COL12A1: variants seen among roughly 807,000 people sequenced by gnomAD.
COL12A1 encodes the protein collagen alpha-1(XII) chain.
A neutral mutation model predicts 349.7 loss-of-function variants in COL12A1; 114 were observed. That is an observed-to-expected ratio of 0.33 (90% CI 0.28 to 0.38). COL12A1 has a LOEUF of 0.38. Ranked by LOEUF, COL12A1 falls within the 10% of genes least tolerant of loss-of-function variation. The pLI is 1.00. For missense variants in COL12A1, 3,284 were observed against 3,756.9 expected (o/e 0.87, Z 3.29); for synonymous variants, 1,369 against 1,329.0 (o/e 1.03, Z -0.66).
chr6:75,122,421 T>C (rs541482882), intron 43 of COL12A1, among the ~76,000 whole-genome samples: 2 of 152,248 alleles, frequency 1.3e-5, no homozygotes, highest in African/African-American at 4.8e-5. Flanking sequence ...GCTGGGCATG[T>C]GTGGGGAAGG....
In COL12A1 at chr6:75,185,407, A is replaced by G. The variant is rs139453244; in HGVS notation, c.998-1263T>C. 9.0e-3 allele frequency among the ~76,000 whole-genome samples: 1,378 copies of G among 152,336 alleles called. 18 individuals carry two copies. Among genetic ancestry groups the G allele is most frequent in the African/African-American group, 0.032 (1,310 of 41,566 alleles). ...ATAATAGAATAAAATACCTAGGAAT[A>G]CAGCTAACTAGTTAGGTGAAAGATC... On this transcript the variant is annotated intron_variant, in intron 8 of 65. Coordinates refer to ENST00000322507, the MANE Select transcript of COL12A1 (RefSeq NM_004370.6).
chr6:75,126,527 C>CA, intron 38 of COL12A1, 57 bp from the exon 39 acceptor site: 1 of 1,538,696 alleles, frequency 6.5e-7, no homozygotes, highest in Non-Finnish European at 8.8e-7. Flanking sequence ...AGGGAGAGCA[C>CA]AAAACTTTAA....
intron 40 of COL12A1, 23 bp from the exon 41 acceptor site, chr6:75,124,394 G>C: frequency 6.6e-7 from 1 of 1,517,942 alleles, no homozygotes; most frequent in South Asian, 1.2e-5. Context: ...GAAAGAAAGA[G>C]ATTTACTTTG....
In COL12A1 at chr6:75,183,377, C is replaced by T. The variant is rs1292052246; in HGVS notation, c.1564G>A (p.Ala522Thr). The T allele has an allele frequency of 9.9e-6, 16 of 1,614,082 alleles. No homozygotes were observed. The highest frequency in any genetic ancestry group is 2.2e-5 in the East Asian group (1 of 44,894). Residue 522 changes from alanine to threonine, a missense_variant, in exon 10 of 66, where the codon GCA becomes ACA. This residue lies in a region of COL12A1 where 2,601 missense variants were observed against 2,824.8 expected (regional missense o/e 0.92). Transcript: ENST00000322507. ...ATTTTCTCTCTGACATAAGTCATTG[C>T]TTTGCCAGTATTTGTAGATCCTCCT... The part of the protein sequence containing the change: ...YRGGSTNTGK[A>T]MTYVREKIFV...
At chr6:75,135,877 T>C (rs897952273) in intron 31 of COL12A1, among the ~76,000 whole-genome samples, 1 of 152,196 alleles carries the variant, frequency 6.6e-6, no homozygotes, top group Non-Finnish European at 1.5e-5. Flanking sequence ...TGAAAGCCTA[T>C]TTAGGAGAAC....
At chr6:75,182,764 A>T (rs1211409359) in intron 10 of COL12A1, among the ~76,000 whole-genome samples, 1 of 152,238 alleles carries the variant, frequency 6.6e-6, no homozygotes, top group Non-Finnish European at 1.5e-5. Context: ...TAAATGACAC[A>T]TACATATGAT....
chr6:75,179,603 C>A (rs769466947), intron 11 of COL12A1, among the ~76,000 whole-genome samples: 18 of 151,752 alleles, frequency 1.2e-4, no homozygotes, highest in Non-Finnish European at 2.1e-4. Context: ...AAAAAAGATT[C>A]TCTAGCTTTT....
At chr6:75,110,735 T>G (rs1768798250) in intron 51 of COL12A1, among the ~76,000 whole-genome samples, 2 of 152,038 alleles carry the variant, frequency 1.3e-5, no homozygotes, top group African/African-American at 4.8e-5. Flanking sequence ...TAAACTATTT[T>G]AGTTAATCCC....
intron 53 of COL12A1, among the ~76,000 whole-genome samples, chr6:75,106,034 A>G (rs925754681): frequency 6.6e-6 from 1 of 152,234 alleles, no homozygotes; most frequent in African/African-American, 2.4e-5. Flanking sequence ...AAAAGTCATC[A>G]TCTCAAAAAG....
intron 40 of COL12A1, among the ~76,000 whole-genome samples, chr6:75,124,674 C>T (rs1765926335): frequency 6.6e-6 from 1 of 152,044 alleles, no homozygotes; most frequent in African/African-American, 2.4e-5. Flanking sequence ...TCTGCTAAGT[C>T]GTTAAATAGT....
rs778880766 is a variant in COL12A1 at position 75,130,119 on chromosome 6, G to A, written c.6182C>T (p.Pro2061Leu). ...PVQQYRIIYSPTVGDPIDEYT... is the reference protein window; with the variant it reads ...PVQQYRIIYSLTVGDPIDEYT... ...TTCATCAATTGGATCACCAACAGTG[G>A]GAGAATAGATGATCCTGTACTGCTG... Residue 2061 changes from proline (P) to leucine (L), a missense_variant, in exon 37 of 66, where the codon CCC (proline) becomes CTC (leucine). This residue lies in a region of COL12A1 where 2,601 missense variants were observed against 2,824.8 expected (regional missense o/e 0.92). Coordinates refer to ENST00000322507, the MANE Select transcript of COL12A1 (RefSeq NM_004370.6). The A allele has an allele frequency of 1.2e-6, 2 of 1,613,872 alleles. No homozygotes were observed. The highest frequency in any genetic ancestry group is 2.2e-5 in the East Asian group (1 of 44,880).
In COL12A1 at chr6:75,138,451, T is replaced by C; in HGVS notation, c.5227A>G (p.Thr1743Ala). Residue 1743 changes from threonine to alanine, a missense_variant, in exon 29 of 66, where the codon ACA (threonine) becomes GCA (alanine). By Grantham distance (58) the Thr-to-Ala change is moderately conservative. Transcript: ENST00000322507. ...ESDDLIGSER[T>A]LPILTTQAPK... ...TATTTGAAAGCTAAACACCTACGTG[T>C]GCGCTCACTGCCAATCAGGTCATCA... The C allele has an allele frequency of 1.2e-6, 2 of 1,613,372 alleles. No individual in the cohort carries two copies. The highest frequency in any genetic ancestry group is 1.7e-6 in the Non-Finnish European group (2 of 1,179,764).
intron 5 of COL12A1, among the ~76,000 whole-genome samples, chr6:75,190,295 G>T (rs75263310): frequency 2.0e-5 from 3 of 151,936 alleles, no homozygotes; most frequent in African/African-American, 7.2e-5. Context: ...AGGAAGTGCA[G>T]TTGAGTTGAA....
chr6:75,181,251 T>A (rs1386306862), intron 10 of COL12A1, 40 bp from the exon 11 acceptor site: 40 of 1,543,844 alleles, frequency 2.6e-5, no homozygotes, highest in Non-Finnish European at 3.1e-5. Context: ...AATGCTTGAA[T>A]CTATAAAACA....
At chr6:75,121,178 G>T (rs1430731818) in intron 44 of COL12A1, 124 bp downstream of exon 44, 1 of 859,776 alleles carries the variant, frequency 1.2e-6, no homozygotes, top group African/African-American at 1.7e-5. Context: ...ATGAATAAAA[G>T]AAATAGCAAA....
At chr6:75,147,827 G>A (rs772674540) in intron 22 of COL12A1, 23 bp from the exon 23 acceptor site, 3 of 1,610,102 alleles carry the variant, frequency 1.9e-6, no homozygotes, top group Admixed American at 1.7e-5. Context: ...ATTAAACAGA[G>A]CAACAACGTA....
At chr6:75,088,177 C>T (rs1188320961) in intron 64 of COL12A1, among the ~76,000 whole-genome samples, 1 of 152,208 alleles carries the variant, frequency 6.6e-6, no homozygotes, top group Non-Finnish European at 1.5e-5. Flanking sequence ...TTATAGTTAA[C>T]ATAAATGGAA....
Position 75,177,643 on chromosome 6 carries a change from G to A in COL12A1, c.2437+20C>T, listed in dbSNP as rs1562282704. 6.2e-7 allele frequency: 1 copy of A among 1,614,024 alleles called. No individual in the cohort carries two copies. ...TCTAAGAGTTTGGTTGTCACCATAT[G>A]ATAAGCATATTTCCTCTACCTTCTT... On this transcript the variant is annotated intron_variant, in intron 12 of 65. Coordinates refer to ENST00000322507, the MANE Select transcript of COL12A1 (RefSeq NM_004370.6).
At chr6:75,114,717 G>C (rs981531477) in intron 49 of COL12A1, among the ~76,000 whole-genome samples, 2 of 151,878 alleles carry the variant, frequency 1.3e-5, no homozygotes, top group Non-Finnish European at 2.9e-5. Flanking sequence ...TCTTTTATAC[G>C]TTCAAGAACT....
Sources: allele counts gnomAD v4.1 joint callset (sites outside exome capture counted in the v4.1 genomes callset), GRCh38; gene constraint gnomAD v4.1.1; regional missense constraint gnomAD v4.1.1; transcripts MANE v1.5; gene names NCBI Gene and HGNC (gene_info 2026-07-23, HGNC 2026-07-21).